RNF144B: variants seen among roughly 807,000 people sequenced by gnomAD.
RNF144B encodes the protein E3 ubiquitin-protein ligase RNF144B.
A neutral mutation model predicts 40.2 loss-of-function variants in RNF144B; 25 were observed. The observed-to-expected ratio is 0.62, with a 90% confidence interval of 0.45 to 0.87. The LOEUF (loss-of-function observed/expected upper bound fraction) is 0.87, where lower values mean the gene tolerates loss of function less well. RNF144B is among the 40% of genes least tolerant of loss of function. The probability of loss-of-function intolerance (pLI) is 0.00; values close to 1 mark genes in which losing one functional copy is unlikely to be tolerated. For missense variants in RNF144B, 365 were observed against 373.7 expected, an observed-to-expected ratio of 0.98 and a Z score of 0.19; for synonymous variants, 145 against 136.3, an observed-to-expected ratio of 1.06 and a Z score of -0.44.
intron 2 of RNF144B, among the ~76,000 whole-genome samples, chr6:18,421,958 G>A (rs1758438336): frequency 1.3e-5 from 2 of 152,130 alleles, no homozygotes; most frequent in South Asian, 4.1e-4. Flanking sequence ...TTTGGTGCCA[G>A]GTTTTCCTAT....
At position 18,468,563 on chromosome 6, in the gene RNF144B, A is replaced by T. The variant is rs1369094597; in HGVS notation, c.*3496A>T. ...AAAAATTATTCTGAATTAAATGTAT[A>T]TTTCTTTAGCCTTCCCTACACAGTA... On this transcript the variant is annotated 3_prime_UTR_variant, in exon 8 of 8. Coordinates refer to ENST00000259939, the MANE Select transcript of RNF144B (RefSeq NM_182757.4). 6.6e-6 allele frequency: 1 copy of T among 151,942 alleles called. No homozygotes were observed. The highest frequency in any genetic ancestry group is 1.5e-5 in the Non-Finnish European group (1 of 67,982). 9.4% of individuals were successfully genotyped at this position (151,942 alleles called of 1,614,324 possible). A position where few individuals can be genotyped will look rare whatever the true frequency, so the allele number is the denominator to read the frequency against.
intron 3 of RNF144B, among the ~76,000 whole-genome samples, chr6:18,427,985 T>C (rs1017121957): frequency 1.3e-5 from 2 of 152,210 alleles, no homozygotes; most frequent in Non-Finnish European, 2.9e-5. Context: ...TTTGGCTCTG[T>C]GTCCCCACCC....
chr6:18,395,928 G>T lies in RNF144B; in HGVS notation c.-36-3571G>T, dbSNP rs368277534. Among the ~76,000 whole-genome samples, 1 of 152,240 alleles carries T rather than the reference G, an allele frequency of 6.6e-6. No homozygotes were observed. The highest frequency in any genetic ancestry group is 2.4e-5 in the African/African-American group (1 of 41,558). On this transcript the variant is annotated intron_variant, in intron 1 of 7. Transcript: ENST00000259939. This position sits in a 1 kb window ranked among gnomAD's most constrained non-coding sequence, Gnocchi z 4.5. The stretch of plus-strand genomic sequence containing the variant: ...ACAGAAAAATAAATCACTTTTTGAA[G>T]AATCATTTTGGATTGTTCACATCTC...
chr6:18,413,232 A>G (rs1310297337), intron 2 of RNF144B, among the ~76,000 whole-genome samples: 1 of 152,206 alleles, frequency 6.6e-6, no homozygotes, highest in East Asian at 1.9e-4. Flanking sequence ...ATGAAAATGG[A>G]TGAAGGCCCA....
At position 18,413,338 on chromosome 6, in the gene RNF144B, A is replaced by G. The variant is rs183767482; in HGVS notation, c.165+13639A>G. Among the ~76,000 whole-genome samples, 9 of 152,356 alleles carry G rather than the reference A, an allele frequency of 5.9e-5. 1 individual carries two copies. Among genetic ancestry groups the G allele is most frequent in the Admixed American group, 2.0e-4 (3 of 15,304 alleles). On this transcript the variant is annotated intron_variant, in intron 2 of 7. Coordinates refer to ENST00000259939, the MANE Select transcript of RNF144B (RefSeq NM_182757.4). ...AACTGGCTACTGATTTTATATACGT[A>G]AAAGTTTAGTCAGTACAAAACAAAT...
In RNF144B at chr6:18,460,613, C is replaced by T. The variant is rs1388368369; in HGVS notation, c.681+862C>T. On this transcript the variant is annotated intron_variant, in intron 6 of 7. Transcript: ENST00000259939. The surrounding 1 kb of genome is among the most constrained non-coding windows in gnomAD (Gnocchi z 4.4). The stretch of plus-strand genomic sequence containing the variant: ...CTCTTCTCTCCCTCATGCTCTCTTG[C>T]ATGCTCTCACTCGCTCTCTCTCTCT... Among the ~76,000 whole-genome samples the T allele has an allele frequency of 2.0e-5, 3 of 152,092 alleles. No individual in the cohort carries two copies. Among genetic ancestry groups the T allele is most frequent in the Admixed American group, 6.5e-5 (1 of 15,274 alleles).
intron 3 of RNF144B, among the ~76,000 whole-genome samples, chr6:18,435,975 A>G (rs900583284): frequency 4.6e-5 from 7 of 152,172 alleles, no homozygotes; most frequent in Admixed American, 2.0e-4. Context: ...ATACATATGT[A>G]ACAAACCTGC....
At chr6:18,463,226 T>A (rs1582452206) in intron 6 of RNF144B, 65 bp from the exon 7 acceptor site, 2 of 1,025,966 alleles carry the variant, frequency 1.9e-6, no homozygotes, top group East Asian at 4.8e-5. Context: ...TGATCTGATG[T>A]GGTCTGTATT....
At chr6:18,401,187 C>T (rs776401172) in intron 2 of RNF144B, among the ~76,000 whole-genome samples, 10 of 152,010 alleles carry the variant, frequency 6.6e-5, no homozygotes, top group Non-Finnish European at 1.0e-4. Context: ...AGAATTTAAG[C>T]GTGTGCGTCA....
In RNF144B at chr6:18,419,800, G is replaced by C. The variant is rs975890629; in HGVS notation, c.166-7781G>C. ...AGTGAAGAAGGCAGTATACAGCCAG[G>C]AAGAGGAGTGAGAGAGGGCTGTTCT... On this transcript the variant is annotated intron_variant, in intron 2 of 7. Coordinates refer to ENST00000259939, the MANE Select transcript of RNF144B (RefSeq NM_182757.4). This position sits in a 1 kb window ranked among gnomAD's most constrained non-coding sequence, Gnocchi z 4.6. 6.6e-6 allele frequency among the ~76,000 whole-genome samples: 1 copy of C among 152,150 alleles called. No homozygotes were observed. The highest frequency in any genetic ancestry group is 2.4e-5 in the African/African-American group (1 of 41,430).
At chr6:18,426,377 A>G (rs500720) in intron 2 of RNF144B, among the ~76,000 whole-genome samples, 88,973 of 152,088 alleles carry the variant, frequency 0.59, 26,595 homozygotes, top group East Asian at 0.82. Flanking sequence ...TTATGAGCAA[A>G]TTAGTAGAAG....
In RNF144B at chr6:18,395,290, G is replaced by A. The variant is rs1471502126; in HGVS notation, c.-36-4209G>A. Among the ~76,000 whole-genome samples the A allele has an allele frequency of 6.6e-6, 1 of 152,120 alleles. No individual in the cohort carries two copies. The highest frequency in any genetic ancestry group is 1.5e-5 in the Non-Finnish European group (1 of 68,018). ...ACCTGGAGGGGAGTGGATGTGAATT[G>A]CTTGTGCCCCTGTGAAGTTGTGGCC... On this transcript the variant is annotated intron_variant, in intron 1 of 7. Coordinates refer to ENST00000259939, the MANE Select transcript of RNF144B (RefSeq NM_182757.4). This position sits in a 1 kb window ranked among gnomAD's most constrained non-coding sequence, Gnocchi z 4.5.
At chr6:18,451,970 G>A (rs1357349548) in intron 4 of RNF144B, among the ~76,000 whole-genome samples, 2 of 152,174 alleles carry the variant, frequency 1.3e-5, no homozygotes, top group Non-Finnish European at 2.9e-5. Context: ...TAATTGAGGT[G>A]GGTGGAGAGC....
chr6:18,434,372 G>T lies in RNF144B; in HGVS notation c.271-5312G>T, dbSNP rs931754967. Among the ~76,000 whole-genome samples, 1 of 152,102 alleles carries T rather than the reference G, an allele frequency of 6.6e-6. No homozygotes were observed. The highest frequency in any genetic ancestry group is 2.4e-5 in the African/African-American group (1 of 41,410). On this transcript the variant is annotated intron_variant, in intron 3 of 7. Coordinates refer to ENST00000259939, the MANE Select transcript of RNF144B (RefSeq NM_182757.4). This position sits in a 1 kb window ranked among gnomAD's most constrained non-coding sequence, Gnocchi z 4.1. Reference sequence around the variant, plus strand: ...TTGCTTTGTTTTTTTCTGAGAGGGGGTAAGGTCAGTGTTAGTGTAGATGGT... The same window carrying T: ...TTGCTTTGTTTTTTTCTGAGAGGGGTTAAGGTCAGTGTTAGTGTAGATGGT...
chr6:18,390,912 G>A (rs1219439740), intron 1 of RNF144B, among the ~76,000 whole-genome samples: 1 of 152,152 alleles, frequency 6.6e-6, no homozygotes, highest in Non-Finnish European at 1.5e-5. Context: ...ATAAATTCCT[G>A]TTATAGGAAA....
intron 2 of RNF144B, among the ~76,000 whole-genome samples, chr6:18,421,717 T>C (rs1448948784): frequency 6.6e-6 from 1 of 152,146 alleles, no homozygotes; most frequent in African/African-American, 2.4e-5. Context: ...TGAAGAACTC[T>C]TGGGTTCCCA....
intron 2 of RNF144B, among the ~76,000 whole-genome samples, chr6:18,407,862 C>T (rs1177608173): frequency 6.6e-6 from 1 of 151,972 alleles, no homozygotes; most frequent in East Asian, 1.9e-4. Context: ...ATAAGTAGGC[C>T]TGCTATTAGT....
At chr6:18,454,126 A>T (rs959903099) in intron 4 of RNF144B, among the ~76,000 whole-genome samples, 1 of 152,224 alleles carries the variant, frequency 6.6e-6, no homozygotes, top group Non-Finnish European at 1.5e-5. Flanking sequence ...TGATCCAAGC[A>T]TCATAACCTC....
chr6:18,391,877 G>A (rs1194532984), intron 1 of RNF144B, among the ~76,000 whole-genome samples: 1 of 143,838 alleles, frequency 7.0e-6, no homozygotes, highest in Admixed American at 7.1e-5. Flanking sequence ...CAAAAAAAAA[G>A]GAGCAGCAGT....
Sources: gnomAD v4.1 joint callset for allele counts (sites outside exome capture counted in the v4.1 genomes callset) on GRCh38, gnomAD v4.1.1 for gene constraint, Gnocchi (gnomAD v3.1) non-coding constraint, MANE v1.5 for transcripts, NCBI Gene and HGNC (gene_info 2026-07-23, HGNC 2026-07-21) for gene names.